The following PDLIM3 variants were observed in gnomAD, a reference collection of about 807,000 sequenced individuals.
The protein encoded by PDLIM3 is PDZ and LIM domain 3, also known as PDZ and LIM domain protein 3.
In PDLIM3, 36 loss-of-function variants were observed where a neutral mutation model predicts 37.3. That is an observed-to-expected ratio of 0.97 (90% CI 0.74 to 1.28). The LOEUF (loss-of-function observed/expected upper bound fraction) is 1.28. Ranked by LOEUF, PDLIM3 falls within the 50% of genes most tolerant of loss-of-function variation. The probability of loss-of-function intolerance (pLI) is 0.00; values close to 1 mark genes in which losing one functional copy is unlikely to be tolerated. For missense variants in PDLIM3, 454 were observed against 485.0 expected, an observed-to-expected ratio of 0.94 and a Z score of 0.60; for synonymous variants, 174 against 182.4, an observed-to-expected ratio of 0.95 and a Z score of 0.37.
At chr4:185,530,496 G>A (rs1334695023) in intron 1 of PDLIM3, among the ~76,000 whole-genome samples, 1 of 152,128 alleles carries the variant, frequency 6.6e-6, no homozygotes, top group Non-Finnish European at 1.5e-5. Context: ...GGAGTGAAGA[G>A]GGGGAAGACA....
At position 185,502,392 on chromosome 4, in the gene PDLIM3, A is replaced by G. The variant is rs555694674; in HGVS notation, c.997T>C (p.Phe333Leu). ...CAGTACAGCTCCCCTTCTATGAAGA[A>G]GTAGCCCTTTTGCTTGAGGTTGAGG... is the stretch of plus-strand genomic sequence containing the variant. ...CNLNLKQKGY[F>L]FIEGELYCET... Residue 333 changes from phenylalanine to leucine, a missense_variant, in exon 8 of 8, where the codon TTC (phenylalanine) becomes CTC (leucine). Physicochemically the swap from Phe to Leu is conservative, Grantham distance 22. Transcript: ENST00000284767. 1.2e-6 allele frequency: 2 copies of G among 1,614,222 alleles called. No individual in the cohort carries two copies. The highest frequency in any genetic ancestry group is 1.1e-5 in the South Asian group (1 of 91,078).
chr4:185,502,550 A>G, intron 7 of PDLIM3, 67 bp from the exon 8 acceptor site: 1 of 1,434,566 alleles, frequency 7.0e-7, no homozygotes, highest in South Asian at 1.1e-5. Flanking sequence ...AAAGGAGAGA[A>G]CCCAACAGAG....
At chr4:185,524,948 A>G in intron 2 of PDLIM3, 72 bp downstream of exon 2, 1 of 1,477,072 alleles carries the variant, frequency 6.8e-7, no homozygotes, top group Non-Finnish European at 9.5e-7. Flanking sequence ...GGGAGGATGA[A>G]GTTATTTATA....
At chr4:185,529,218 AG>A (rs745791149) in intron 1 of PDLIM3, among the ~76,000 whole-genome samples, 3 of 152,320 alleles carry the variant, frequency 2.0e-5, no homozygotes, top group Non-Finnish European at 4.4e-5. Context: ...GCTCGGAATC[AG>A]GAACAGAATC....
In PDLIM3 at chr4:185,506,536, A is replaced by C. The variant is rs1554037747; in HGVS notation, c.779T>G (p.Val260Gly). The C allele has an allele frequency of 1.2e-6, 2 of 1,613,622 alleles. No individual in the cohort carries two copies. The highest frequency in any genetic ancestry group is 1.7e-6 in the Non-Finnish European group (2 of 1,179,996). ...CGGCTGCTCACCAGAGCCATCGTCCACCATTCCCTGGAGCACTCTGAAGGA... is the reference window on the plus strand; with the variant it reads ...CGGCTGCTCACCAGAGCCATCGTCCCCCATTCCCTGGAGCACTCTGAAGGA... Reference protein sequence around the residue: ...SGSFRVLQGMVDDGSDDRPAG... With the variant: ...SGSFRVLQGMGDDGSDDRPAG... Residue 260 changes from valine (V) to glycine (G), a missense_variant, in exon 6 of 8, where the codon GTG (valine) becomes GGG (glycine). Val to Gly is a moderately radical substitution (Grantham distance 109). Transcript: ENST00000284767.
At chr4:185,513,855 G>A in intron 4 of PDLIM3, 1 of 1,121,630 alleles carries the variant, frequency 8.9e-7, no homozygotes, top group Non-Finnish European at 1.1e-6. Flanking sequence ...GGAAGAGCTT[G>A]CTCCTTATCA....
chr4:185,525,113 G>C lies in PDLIM3; in HGVS notation c.152C>G (p.Ala51Gly). 1 of 1,614,084 alleles carries C rather than the reference G, an allele frequency of 6.2e-7. No individual in the cohort carries two copies. Among genetic ancestry groups the C allele is most frequent in the Non-Finnish European group, 8.5e-7 (1 of 1,179,904 alleles). The change falls in exon 2 of 8, where the codon GCT (alanine) becomes GGT (glycine). Residue 51 changes from alanine to glycine, a missense_variant. Transcript: ENST00000284767. ...GGACTCTGTCCCAAAGCCGTCAATA[G>C]CCAGGATGACATCTCCAGGACACAG... ...ANLCPGDVIL[A>G]IDGFGTESMT...
At chr4:185,507,254 A>T (rs900996978) in intron 5 of PDLIM3, among the ~76,000 whole-genome samples, 2 of 152,224 alleles carry the variant, frequency 1.3e-5, no homozygotes, top group Non-Finnish European at 2.9e-5. Context: ...TTACATTTTT[A>T]TATCTGCTAT....
rs894305827 is a variant in PDLIM3 at position 185,502,325 on chromosome 4, T to A, written c.1064A>T (p.Tyr355Phe). Residue 355 changes from tyrosine to phenylalanine, a missense_variant, in exon 8 of 8, where the codon TAT becomes TTT. Physicochemically the swap from Tyr to Phe is conservative, Grantham distance 22 (BLOSUM62 3). Coordinates refer to ENST00000284767, the MANE Select transcript of PDLIM3 (RefSeq NM_014476.6). ...TTTGGGATACAGAGTGACCGTGTCA[T>A]AGCCCTCTGGGGGCTTTGTGCGGGC... ...ARARTKPPEG[Y>F]DTVTLYPKA is the part of the protein sequence containing the mutation. 1 of 1,614,132 alleles carries A rather than the reference T, an allele frequency of 6.2e-7. No individual in the cohort carries two copies. The highest frequency in any genetic ancestry group is 1.3e-5 in the African/African-American group (1 of 74,956).
chr4:185,514,703 T>G lies in PDLIM3; in HGVS notation c.331-366A>C. On this transcript the variant is annotated intron_variant, in intron 3 of 7. Transcript: ENST00000284767. The surrounding 1 kb of genome is among the most constrained non-coding windows in gnomAD (Gnocchi z 4.0). ...GGCCAGAACAGAGCCGGATACTTAC[T>G]TTTGAGGTGAGCTAGGAATGAGACC... 2 of 1,551,766 alleles carry G rather than the reference T, an allele frequency of 1.3e-6. No individual in the cohort carries two copies. The highest frequency in any genetic ancestry group is 1.7e-6 in the Non-Finnish European group (2 of 1,146,842).
At chr4:185,517,287 T>G (rs754381930) in intron 3 of PDLIM3, 1 of 150,412 alleles carries the variant, frequency 6.6e-6, no homozygotes, top group Non-Finnish European at 1.5e-5. Flanking sequence ...GGATTACAAG[T>G]CTCTCAGGCT....
At chr4:185,517,989 A>G (rs1008525888) in intron 3 of PDLIM3, among the ~76,000 whole-genome samples, 19 of 152,346 alleles carry the variant, frequency 1.2e-4, no homozygotes, top group African/African-American at 4.3e-4. Flanking sequence ...AAAAATCACA[A>G]GTAACTGAAA....
At chr4:185,508,992 C>G (rs1001451627) in intron 4 of PDLIM3, among the ~76,000 whole-genome samples, 4 of 152,156 alleles carry the variant, frequency 2.6e-5, no homozygotes, top group African/African-American at 7.2e-5. Flanking sequence ...TTCTGAAGTG[C>G]AACATTTAAA....
intron 1 of PDLIM3, among the ~76,000 whole-genome samples, chr4:185,526,431 T>C (rs2095734307): frequency 6.6e-6 from 1 of 152,226 alleles, no homozygotes. Context: ...GATCCAATTT[T>C]ATGCTGTCCA....
intron 7 of PDLIM3, 151 bp from the exon 8 acceptor site, chr4:185,502,634 T>C (rs145008987): frequency 1.4e-6 from 1 of 731,996 alleles, no homozygotes; most frequent in Non-Finnish European, 2.4e-6. Flanking sequence ...GCCGTGAAAC[T>C]GTATGTAATT....
chr4:185,523,398 G>C lies in PDLIM3; in HGVS notation c.294C>G (p.Ala98=). The C allele has an allele frequency of 6.2e-7, 1 of 1,612,278 alleles. No individual in the cohort carries two copies. Among genetic ancestry groups the C allele is most frequent in the Non-Finnish European group, 8.5e-7 (1 of 1,178,626 alleles). Residue 98 remains alanine (A), a synonymous_variant, in exon 3 of 8, where the codon GCC becomes GCG. Transcript: ENST00000284767. ...WSPQVSEDGK[A]HPFKINLESE... Reference sequence around the variant, plus strand: ...ATTCTAAGTTGATTTTGAAAGGATGGGCTTTCCCATCTTCAGATACTTGTG... The same window carrying C: ...ATTCTAAGTTGATTTTGAAAGGATGCGCTTTCCCATCTTCAGATACTTGTG...
At chr4:185,516,458 CAG>C (rs1344577143) in intron 3 of PDLIM3, 3 of 152,058 alleles carry the variant, frequency 2.0e-5, no homozygotes, top group Non-Finnish European at 4.4e-5. Context: ...TGTTAGAAAA[CAG>C]ACTGTCAAAA....
intron 1 of PDLIM3, among the ~76,000 whole-genome samples, chr4:185,532,249 C>G (rs914630909): frequency 1.3e-5 from 2 of 152,234 alleles, no homozygotes; most frequent in Admixed American, 1.3e-4. Context: ...CATACCGTGT[C>G]TATATTTATT....
At chr4:185,518,015 G>C (rs2095717484) in intron 3 of PDLIM3, among the ~76,000 whole-genome samples, 2 of 152,122 alleles carry the variant, frequency 1.3e-5, no homozygotes, top group Non-Finnish European at 2.9e-5. Flanking sequence ...AGTTAAAAAA[G>C]TGTATACAAC....
Sources: allele counts gnomAD v4.1 joint callset (sites outside exome capture counted in the v4.1 genomes callset), GRCh38; gene constraint gnomAD v4.1.1; non-coding constraint Gnocchi (gnomAD v3.1); transcripts MANE v1.5; gene names NCBI Gene and HGNC (gene_info 2026-07-23, HGNC 2026-07-21).